The following CNOT1 variants were observed in gnomAD, a reference collection of about 807,000 sequenced individuals.
CNOT1 encodes the protein CCR4-associated factor 1.
CNOT1 carries 15 observed loss-of-function variants against 273.8 expected under a neutral mutation model. That is an observed-to-expected ratio of 0.05 (90% CI 0.04 to 0.08). CNOT1 has a LOEUF of 0.08. CNOT1 is among the 10% of genes least tolerant of loss of function. The pLI is 1.00. For synonymous variants in CNOT1, 1,022 were observed against 1,005.5 expected (o/e 1.02, Z -0.31); for missense variants, 1,644 against 2,912.2 (o/e 0.56, Z 10.02).
At position 58,599,354 on chromosome 16, in the gene CNOT1, A is replaced by G. The variant is rs750025131; in HGVS notation, c.-17T>C. 3.1e-6 allele frequency: 5 copies of G among 1,614,134 alleles called. No homozygotes were observed. The East Asian group carries it at 6.7e-5, about 22-fold the overall frequency. ...AAGATTCATTGCTGGTTGGGGCGGA[A>G]GCAGGCGGCCGAGCCCGGCGCAAAA... On this transcript the variant is annotated 5_prime_UTR_variant, in exon 2 of 49. Coordinates refer to ENST00000317147, the MANE Select transcript of CNOT1 (RefSeq NM_016284.5).
At chr16:58,622,848 CAA>C (rs11372225) in intron 1 of CNOT1, among the ~76,000 whole-genome samples, 28 of 104,318 alleles carry the variant, frequency 2.7e-4, no homozygotes, top group Admixed American at 3.0e-4. Context: ...ACTCTTGACC[CAA>C]AAAAAAAAAA....
Position 58,628,357 on chromosome 16 carries a change from T to C in CNOT1, c.-175+1371A>G, listed in dbSNP as rs535674349. Among the ~76,000 whole-genome samples, 15 of 152,292 alleles carry C rather than the reference T, an allele frequency of 9.8e-5. No homozygotes were observed. The South Asian group carries it at 2.5e-3, about 25-fold the overall frequency. On this transcript the variant is annotated intron_variant, in intron 1 of 48. Coordinates refer to ENST00000317147, the MANE Select transcript of CNOT1 (RefSeq NM_016284.5). Reference sequence around the variant, plus strand: ...CATGTCTTCTTAATAGCTAAAATACTCTGCTGCCAATCTTTAAAAGGGTAG... The same window carrying C: ...CATGTCTTCTTAATAGCTAAAATACCCTGCTGCCAATCTTTAAAAGGGTAG...
At position 58,546,333 on chromosome 16, in the gene CNOT1, T is replaced by C. The variant is rs2040256823; in HGVS notation, c.3994A>G (p.Ile1332Val). 2 of 1,613,388 alleles carry C rather than the reference T, an allele frequency of 1.2e-6. No individual in the cohort carries two copies. Among genetic ancestry groups the C allele is most frequent in the Non-Finnish European group, 8.5e-7 (1 of 1,179,596 alleles). ...DVKQPEELPP[I>V]TTTTTSTTPA... ...TTAGCACACTTACTTGTGGTTGTGA[T>C]GGGAGGGAGTTCTTCTGGCTGCTTG... The change falls in exon 29 of 49, where the codon ATC becomes GTC. Residue 1332 changes from isoleucine to valine, a missense_variant. Physicochemically the swap from Ile to Val is conservative, Grantham distance 29. Around this residue, in one of 13 missense-constraint regions of CNOT1, gnomAD observed 52 missense variants for 50.2 expected, o/e 1.04. Coordinates refer to ENST00000317147, the MANE Select transcript of CNOT1 (RefSeq NM_016284.5).
At chr16:58,622,318 A>C (rs1389540133) in intron 1 of CNOT1, among the ~76,000 whole-genome samples, 2 of 100,392 alleles carry the variant, frequency 2.0e-5, no homozygotes, top group African/African-American at 4.0e-5. Context: ...TATCTCAAAA[A>C]ATGTACCACT....
chr16:58,557,944 C>T (rs2040691334), intron 18 of CNOT1, among the ~76,000 whole-genome samples: 1 of 152,034 alleles, frequency 6.6e-6, no homozygotes, highest in Non-Finnish European at 1.5e-5. Flanking sequence ...GAGCCAAGAT[C>T]GTACCACTGC....
intron 1 of CNOT1, among the ~76,000 whole-genome samples, chr16:58,627,922 G>A (rs935039314): frequency 1.3e-5 from 2 of 152,124 alleles, no homozygotes; most frequent in East Asian, 3.9e-4. Context: ...CCGCCTCCCG[G>A]GTTCAAGCAA....
At chr16:58,549,923 A>G (rs2040396545) in intron 24 of CNOT1, 25 bp from the exon 25 acceptor site, 2 of 1,612,800 alleles carry the variant, frequency 1.2e-6, no homozygotes, top group Middle Eastern at 1.7e-4. Flanking sequence ...CGACATGGGA[A>G]GCACAGAATT....
Position 58,598,487 on chromosome 16 carries a change from T to C in CNOT1, c.102+749A>G, listed in dbSNP as rs371990458. The stretch of plus-strand genomic sequence containing the variant: ...GGGAGGCTGAGGCACGAGAATCACT[T>C]GAACCCAGGACAAGGAGGTTGCAGT... On this transcript the variant is annotated intron_variant, in intron 2 of 48. Coordinates refer to ENST00000317147, the MANE Select transcript of CNOT1 (RefSeq NM_016284.5). 1.5e-4 allele frequency among the ~76,000 whole-genome samples: 22 copies of C among 150,994 alleles called. No homozygotes were observed. The East Asian group carries it at 2.0e-3, about 13-fold the overall frequency.
At position 58,520,866 on chromosome 16, in the gene CNOT1, T is replaced by A; in HGVS notation, c.*92A>T. On this transcript the variant is annotated 3_prime_UTR_variant, in exon 49 of 49. Transcript: ENST00000317147. ...CCCACAAACCAAAGGGCTGGGAAAG[T>A]CAGGAAGAGCTGAAAGGATTCTTCA... 7.5e-7 allele frequency: 1 copy of A among 1,338,280 alleles called. No homozygotes were observed. The allele number at this position is 1,338,280 out of a possible 1,614,324, so 82.9% of individuals were successfully genotyped here.
At chr16:58,548,548 G>C in intron 25 of CNOT1, 2 of 519,228 alleles carry the variant, frequency 3.9e-6, no homozygotes, top group South Asian at 2.8e-5. Flanking sequence ...CAAGTCAGCT[G>C]TGCAACAGAG....
chr16:58,565,040 C>T (rs2040991113), intron 16 of CNOT1, among the ~76,000 whole-genome samples: 1 of 152,160 alleles, frequency 6.6e-6, no homozygotes, highest in Non-Finnish European at 1.5e-5. Context: ...GCCTTATTAA[C>T]CTAACCATTA....
intron 1 of CNOT1, among the ~76,000 whole-genome samples, chr16:58,617,994 A>G (rs1480471411): frequency 6.6e-6 from 1 of 152,172 alleles, no homozygotes; most frequent in Non-Finnish European, 1.5e-5. Flanking sequence ...TAACAGAGCA[A>G]GACCCTGCCT....
chr16:58,524,397 G>C (rs1345188341), intron 46 of CNOT1, among the ~76,000 whole-genome samples: 3 of 151,918 alleles, frequency 2.0e-5, no homozygotes, highest in African/African-American at 7.3e-5. Context: ...GCCTCTGCTT[G>C]ACATTATTCG....
chr16:58,569,715 G>T (rs1194397103), intron 16 of CNOT1, among the ~76,000 whole-genome samples: 1 of 151,690 alleles, frequency 6.6e-6, no homozygotes, highest in African/African-American at 2.4e-5. Context: ...AAAAAAAGGG[G>T]GTGGGGGGAT....
intron 29 of CNOT1, 139 bp from the exon 30 acceptor site, chr16:58,545,630 A>G: frequency 7.0e-7 from 1 of 1,426,748 alleles, no homozygotes; most frequent in South Asian, 1.5e-5. Context: ...AGCAGGTCCT[A>G]TTTTTCCCAC....
chr16:58,609,896 C>T (rs1033336687), intron 1 of CNOT1, among the ~76,000 whole-genome samples: 3 of 150,528 alleles, frequency 2.0e-5, no homozygotes, highest in Admixed American at 6.6e-5. Flanking sequence ...TATAATAATA[C>T]ATTAACATGT....
chr16:58,522,080 G>C (rs2039402426), intron 47 of CNOT1, among the ~76,000 whole-genome samples: 1 of 151,984 alleles, frequency 6.6e-6, no homozygotes, highest in Non-Finnish European at 1.5e-5. Context: ...AGCACTCTGG[G>C]AGGCCAAGAC....
At chr16:58,569,544 G>A (rs561858296) in intron 16 of CNOT1, among the ~76,000 whole-genome samples, 9 of 151,264 alleles carry the variant, frequency 5.9e-5, no homozygotes, top group African/African-American at 1.5e-4. Context: ...ACAGAAATTC[G>A]TTTTTTCCCA....
chr16:58,620,983 AAAGAC>A (rs772554859), intron 1 of CNOT1, among the ~76,000 whole-genome samples: 4 of 151,792 alleles, frequency 2.6e-5, no homozygotes, highest in Non-Finnish European at 5.9e-5. Context: ...TTATTTCAAA[AAAGAC>A]AAGAGCCTGA....
Sources: allele counts gnomAD v4.1 joint callset (sites outside exome capture counted in the v4.1 genomes callset), GRCh38; gene constraint gnomAD v4.1.1; regional missense constraint gnomAD v4.1.1; transcripts MANE v1.5; gene names NCBI Gene and HGNC (gene_info 2026-07-23, HGNC 2026-07-21).